Variants in RIT2 observed in about 807,000 individuals in gnomAD.
RIT2 encodes the protein Ras like without CAAX 2, also known as GTP-binding protein Rit2.
A neutral mutation model predicts 23.7 loss-of-function variants in RIT2; 24 were observed. That is an observed-to-expected ratio of 1.01 (90% CI 0.73 to 1.43). RIT2 has a LOEUF of 1.43. Ranked by LOEUF, RIT2 falls within the 40% of genes most tolerant of loss-of-function variation. The pLI, the probability that RIT2 is intolerant of heterozygous loss-of-function variation, is 0.00. For synonymous variants in RIT2, 107 were observed against 91.1 expected, an observed-to-expected ratio of 1.17 and a Z score of -0.99; for missense variants, 236 against 266.9, an observed-to-expected ratio of 0.88 and a Z score of 0.81.
chr18:42,856,208 T>G (rs1481047507), intron 4 of RIT2, among the ~76,000 whole-genome samples: 2 of 152,208 alleles, frequency 1.3e-5, no homozygotes, highest in East Asian at 3.9e-4. Flanking sequence ...AAAAAGAAAT[T>G]GTATGTGATC....
intron 4 of RIT2, among the ~76,000 whole-genome samples, chr18:42,814,294 T>C (rs60794152): frequency 0.019 from 2,825 of 152,280 alleles, 82 homozygotes; most frequent in African/African-American, 0.063. Context: ...ATACTTGCTA[T>C]TGCAGCTGGG....
intron 1 of RIT2, among the ~76,000 whole-genome samples, chr18:43,081,997 C>T (rs1296784770): frequency 2.0e-5 from 3 of 152,024 alleles, no homozygotes; most frequent in Non-Finnish European, 2.9e-5. Context: ...GACAACATAA[C>T]TTGTTTAAGA....
chr18:42,980,728 T>G (rs1910580200), intron 2 of RIT2, among the ~76,000 whole-genome samples: 1 of 152,052 alleles, frequency 6.6e-6, no homozygotes, highest in Admixed American at 6.6e-5. Flanking sequence ...GTGTGTCCTG[T>G]GGAGACACAG....
chr18:42,858,410 G>A (rs1907242780), intron 4 of RIT2, among the ~76,000 whole-genome samples: 1 of 152,118 alleles, frequency 6.6e-6, no homozygotes, highest in Non-Finnish European at 1.5e-5. Context: ...CACTAGAAGA[G>A]GGACAAAAAT....
intron 4 of RIT2, among the ~76,000 whole-genome samples, chr18:42,853,328 G>A (rs866972): frequency 0.55 from 83,130 of 152,096 alleles, 25,656 homozygotes; most frequent in African/African-American, 0.83. Context: ...AACAAGCTAC[G>A]CTATACTTTT....
chr18:42,749,350 C>G (rs1386835440), intron 4 of RIT2, among the ~76,000 whole-genome samples: 1 of 151,804 alleles, frequency 6.6e-6, no homozygotes, highest in East Asian at 1.9e-4. Flanking sequence ...TATAGCATTA[C>G]AAGCATGTTT....
At chr18:43,098,798 A>G (rs557636039) in intron 1 of RIT2, among the ~76,000 whole-genome samples, 2 of 152,194 alleles carry the variant, frequency 1.3e-5, no homozygotes, top group Middle Eastern at 3.4e-3. Context: ...TGATATGCCC[A>G]TGATCACAAC....
chr18:42,820,144 G>A (rs1269870428), intron 4 of RIT2, among the ~76,000 whole-genome samples: 1 of 152,038 alleles, frequency 6.6e-6, no homozygotes, highest in Non-Finnish European at 1.5e-5. Context: ...ACTCTTGGCT[G>A]AACCCATGGA....
At chr18:42,763,708 T>C (rs1913357220) in intron 4 of RIT2, among the ~76,000 whole-genome samples, 1 of 152,220 alleles carries the variant, frequency 6.6e-6, no homozygotes, top group African/African-American at 2.4e-5. Flanking sequence ...TTATAAACTT[T>C]TTATTTTTTA....
intron 4 of RIT2, among the ~76,000 whole-genome samples, chr18:42,810,777 C>T (rs115122082): frequency 6.6e-6 from 1 of 151,974 alleles, no homozygotes; most frequent in African/African-American, 2.4e-5. Flanking sequence ...AATGCCTTCT[C>T]ACTAATTCCA....
chr18:43,023,728 T>C (rs1911648275), intron 2 of RIT2, among the ~76,000 whole-genome samples: 1 of 152,090 alleles, frequency 6.6e-6, no homozygotes, highest in Non-Finnish European at 1.5e-5. Flanking sequence ...AAACAGCATT[T>C]ATTTTCTAGC....
chr18:43,043,763 C>T (rs1439035067), intron 1 of RIT2, among the ~76,000 whole-genome samples: 1 of 152,038 alleles, frequency 6.6e-6, no homozygotes, highest in African/African-American at 2.4e-5. Context: ...AGTGCCATTG[C>T]ACTCCAGCCT....
intron 4 of RIT2, among the ~76,000 whole-genome samples, chr18:42,832,926 T>C (rs1030159884): frequency 1.3e-5 from 2 of 151,706 alleles, no homozygotes; most frequent in Admixed American, 6.6e-5. Flanking sequence ...TGGTGTTGCA[T>C]GCCTGTAATC....
intron 4 of RIT2, among the ~76,000 whole-genome samples, chr18:42,866,329 G>A (rs1282311836): frequency 3.3e-5 from 5 of 152,082 alleles, no homozygotes; most frequent in Non-Finnish European, 5.9e-5. Flanking sequence ...ATTAATATTT[G>A]TAAAAGAAAT....
chr18:42,870,390 G>A (rs1387464227), intron 4 of RIT2, among the ~76,000 whole-genome samples: 1 of 152,014 alleles, frequency 6.6e-6, no homozygotes, highest in East Asian at 1.9e-4. Context: ...ACAGGTGCAT[G>A]CAACCACGCC....
chr18:43,008,780 GGTT>G (rs1188468296), intron 2 of RIT2, among the ~76,000 whole-genome samples: 1 of 151,418 alleles, frequency 6.6e-6, no homozygotes, highest in Admixed American at 6.6e-5. Flanking sequence ...TTTTTAAAAA[GGTT>G]GTAATAGCAC....
intron 3 of RIT2, among the ~76,000 whole-genome samples, chr18:42,924,100 C>T (rs1909123853): frequency 6.6e-6 from 1 of 151,800 alleles, no homozygotes; most frequent in Non-Finnish European, 1.5e-5. Context: ...TTTCTCACTC[C>T]CTATTTATTG....
At chr18:42,953,617 T>C (rs60482196) in intron 3 of RIT2, among the ~76,000 whole-genome samples, 4,138 of 152,300 alleles carry the variant, frequency 0.027, 185 homozygotes, top group African/African-American at 0.092. Flanking sequence ...TTATTTCTTA[T>C]GAAATCACAA....
intron 1 of RIT2, among the ~76,000 whole-genome samples, chr18:43,105,100 C>CTGTGTGTGTGTGTGTGTG (rs756311809): frequency 2.1e-5 from 3 of 142,980 alleles, no homozygotes; most frequent in African/African-American, 7.8e-5. Flanking sequence ...AGGCAGTGTG[C>CTGTGTGTGTGTGTGTGTG]TGTGTGTGTG....
Sources: gnomAD v4.1 joint callset for allele counts (sites outside exome capture counted in the v4.1 genomes callset) on GRCh38, gnomAD v4.1.1 for gene constraint, MANE v1.5 for transcripts, NCBI Gene and HGNC (gene_info 2026-07-23, HGNC 2026-07-21) for gene names.